CNTNAP3B: variants seen among roughly 807,000 people sequenced by gnomAD.
The protein encoded by CNTNAP3B is contactin-associated protein-like 3B.
A neutral mutation model predicts 108.9 loss-of-function variants in CNTNAP3B; 25 were observed. The ratio of observed to expected loss-of-function variants is 0.23; its 90% confidence interval spans 0.17 to 0.32. CNTNAP3B has a LOEUF of 0.32. Among genes scored for constraint, CNTNAP3B ranks in the 10% least tolerant of loss-of-function variants. CNTNAP3B has a pLI of 1.00. For missense variants in CNTNAP3B, 252 were observed against 1,210.4 expected, an observed-to-expected ratio of 0.21 and a Z score of 11.75; for synonymous variants, 103 against 473.4, an observed-to-expected ratio of 0.22 and a Z score of 10.16.
At chr9:42,113,612 A>G (rs1346388267) in intron 1 of CNTNAP3B, among the ~76,000 whole-genome samples, 2 of 140,104 alleles carry the variant, frequency 1.4e-5, no homozygotes, top group Non-Finnish European at 3.1e-5. Flanking sequence ...TTGTTATTAC[A>G]AATGTATCCA....
In CNTNAP3B at chr9:42,064,403, C is replaced by T. The variant is rs1489861351; in HGVS notation, c.390+12466G>A. 1.2e-4 allele frequency among the ~76,000 whole-genome samples: 4 copies of T among 33,500 alleles called. 2 individuals are homozygous for T. Among genetic ancestry groups the T allele is most frequent in the Non-Finnish European group, 1.3e-4 (2 of 14,882 alleles). 22.0% of individuals were successfully genotyped at this position (33,500 alleles called of 152,430 possible). ...TTATAAGAAACCTACTCCCTCATAA[C>T]ATAAATTTTGAGGGACACATTCAAA... On this transcript the variant is annotated intron_variant, in intron 3 of 23. Transcript: ENST00000377561.
intron 13 of CNTNAP3B, among the ~76,000 whole-genome samples, chr9:41,941,561 T>C (rs1824343771): frequency 7.5e-6 from 1 of 133,368 alleles, no homozygotes; most frequent in Non-Finnish European, 1.6e-5. Flanking sequence ...CAATCTGATA[T>C]GACATTAAGA....
chr9:41,966,549 C>A (rs1435638460), intron 10 of CNTNAP3B, among the ~76,000 whole-genome samples: 2 of 152,138 alleles, frequency 1.3e-5, no homozygotes, highest in Non-Finnish European at 2.9e-5. Context: ...GTGACAGAGG[C>A]CTCCCTGCTC....
At chr9:41,980,841 G>A (rs1489003051) in intron 9 of CNTNAP3B, among the ~76,000 whole-genome samples, 1 of 136,056 alleles carries the variant, frequency 7.3e-6, no homozygotes, top group African/African-American at 3.0e-5. Flanking sequence ...GACAAGACAG[G>A]GATACCGTCT....
At chr9:42,127,713 A>G (rs1828603158) in intron 1 of CNTNAP3B, among the ~76,000 whole-genome samples, 1 of 139,798 alleles carries the variant, frequency 7.2e-6, no homozygotes, top group African/African-American at 2.8e-5. Flanking sequence ...GCATCTGACC[A>G]AAGCAATCCG....
At chr9:41,938,599 A>G (rs1824231373) in intron 13 of CNTNAP3B, among the ~76,000 whole-genome samples, 199 bp from the exon 14 acceptor site, 2 of 152,292 alleles carry the variant, frequency 1.3e-5, no homozygotes, top group Non-Finnish European at 2.9e-5. Context: ...CAATATTTCA[A>G]TATCTAGGCT....
intron 4 of CNTNAP3B, among the ~76,000 whole-genome samples, chr9:42,002,844 T>G (rs1826027299): frequency 7.4e-6 from 1 of 135,628 alleles, no homozygotes; most frequent in South Asian, 2.4e-4. Context: ...TAAGTAATTT[T>G]GAGTTGCTAT....
rs1412326339 is a variant in CNTNAP3B, at chr9:42,115,796, C to G, written c.86-11057G>C. ...CAGAAAAGCTGAAAATTCTAAAAAT[C>G]AGAGCACCTCTTCTCCTCCAAAGGA... is the stretch of plus-strand genomic sequence containing the variant. On this transcript the variant is annotated intron_variant, in intron 1 of 23. Coordinates refer to ENST00000377561, the MANE Select transcript of CNTNAP3B (RefSeq NM_001201380.3). Among the ~76,000 whole-genome samples, 2 of 119,946 alleles carry G rather than the reference C, an allele frequency of 1.7e-5. 1 individual carries two copies. Among genetic ancestry groups the G allele is most frequent in the Non-Finnish European group, 3.4e-5 (2 of 58,222 alleles). 78.7% of individuals were successfully genotyped at this position (119,946 alleles called of 152,430 possible). A position where few individuals can be genotyped will look rare whatever the true frequency, so the allele number is the denominator to read the frequency against.
chr9:41,958,010 C>T (rs1587144675), intron 12 of CNTNAP3B, among the ~76,000 whole-genome samples: 4 of 152,402 alleles, frequency 2.6e-5, no homozygotes, highest in African/African-American at 9.6e-5. Flanking sequence ...GATCCGCCTG[C>T]CTCAGCCTCC....
intron 11 of CNTNAP3B, among the ~76,000 whole-genome samples, chr9:41,961,778 A>G (rs1202872448): frequency 3.3e-5 from 5 of 152,304 alleles, no homozygotes; most frequent in African/African-American, 9.6e-5. Context: ...TTTTTGAAAG[A>G]TATCCCTATA....
intron 3 of CNTNAP3B, among the ~76,000 whole-genome samples, chr9:42,070,484 C>T (rs568381737): frequency 3.9e-4 from 57 of 145,018 alleles, no homozygotes; most frequent in African/African-American, 1.5e-3. Flanking sequence ...TGCAGACCTG[C>T]TCTTCCTCTG....
At chr9:41,951,400 C>T (rs886254605) in intron 13 of CNTNAP3B, among the ~76,000 whole-genome samples, 7 of 104,762 alleles carry the variant, frequency 6.7e-5, no homozygotes, top group African/African-American at 2.5e-4. Flanking sequence ...GCCAAGGCTA[C>T]ACTTCATTCA....
At chr9:41,969,002 T>C (rs1344331812) in intron 10 of CNTNAP3B, among the ~76,000 whole-genome samples, 1 of 152,286 alleles carries the variant, frequency 6.6e-6, no homozygotes, top group Non-Finnish European at 1.5e-5. Context: ...TTCACCATGT[T>C]AGCCAGGATG....
In CNTNAP3B at chr9:42,079,554, A is replaced by C. The variant is rs183787798; in HGVS notation, c.197-2492T>G. Among the ~76,000 whole-genome samples, 461 of 127,494 alleles carry C rather than the reference A, an allele frequency of 3.6e-3. 87 individuals carry two copies. The highest frequency in any genetic ancestry group is 0.014 in the African/African-American group (435 of 31,320). The allele number at this position is 127,494 out of a possible 152,430, so 83.6% of individuals were successfully genotyped here. On this transcript the variant is annotated intron_variant, in intron 2 of 23. Coordinates refer to ENST00000377561, the MANE Select transcript of CNTNAP3B (RefSeq NM_001201380.3). Reference sequence around the variant, plus strand: ...TGTTTTTGTTTTGAGATGGAGTCTCACTCTGTCACCAGCCTGGAGTGCAGT... The same window carrying C: ...TGTTTTTGTTTTGAGATGGAGTCTCCCTCTGTCACCAGCCTGGAGTGCAGT...
intron 1 of CNTNAP3B, among the ~76,000 whole-genome samples, chr9:42,112,208 C>T (rs1441656083): frequency 7.1e-6 from 1 of 140,076 alleles, no homozygotes; most frequent in Non-Finnish European, 1.5e-5. Flanking sequence ...TCTGCGAGTT[C>T]CCATCACTTA....
chr9:42,100,162 A>C lies in CNTNAP3B; in HGVS notation c.196+4467T>G, dbSNP rs1414329683. Among the ~76,000 whole-genome samples, 4 of 60,672 alleles carry C rather than the reference A, an allele frequency of 6.6e-5. 1 individual carries two copies. The highest frequency in any genetic ancestry group is 2.3e-4 in the African/African-American group (4 of 17,700). 39.8% of individuals were successfully genotyped at this position (60,672 alleles called of 152,430 possible). A position where few individuals can be genotyped will look rare whatever the true frequency, so the allele number is the denominator to read the frequency against. The stretch of plus-strand genomic sequence containing the variant: ...CATCTCCACCTTGTCTAGGTTTTGC[A>C]TTTCCAAATACTTGCCCTTTCTCTC... On this transcript the variant is annotated intron_variant, in intron 2 of 23. Transcript: ENST00000377561.
intron 3 of CNTNAP3B, among the ~76,000 whole-genome samples, chr9:42,055,436 C>T (rs1827048323): frequency 7.0e-6 from 1 of 143,732 alleles, no homozygotes; most frequent in African/African-American, 2.7e-5. Flanking sequence ...GCATGCTATT[C>T]CAGAGTATAA....
chr9:41,930,074 A>C (rs1433396562), intron 14 of CNTNAP3B, among the ~76,000 whole-genome samples: 2 of 152,310 alleles, frequency 1.3e-5, no homozygotes, highest in Admixed American at 1.3e-4. Flanking sequence ...ATATTAATTT[A>C]TCATTATTTT....
intron 10 of CNTNAP3B, among the ~76,000 whole-genome samples, chr9:41,965,335 C>T (rs1825236434): frequency 6.6e-6 from 1 of 151,934 alleles, no homozygotes; most frequent in Non-Finnish European, 1.5e-5. Context: ...AGTTGGAGGT[C>T]TCACACTTTC....
Sources: gnomAD v4.1 joint callset for allele counts (sites outside exome capture counted in the v4.1 genomes callset) on GRCh38, gnomAD v4.1.1 for gene constraint, MANE v1.5 for transcripts, NCBI Gene and HGNC (gene_info 2026-07-23, HGNC 2026-07-21) for gene names.